The following ENAH variants were observed in gnomAD, a reference collection of about 807,000 sequenced individuals.
ENAH encodes ENAH actin regulator, also known as protein enabled homolog.
In ENAH, 23 loss-of-function variants were observed where a neutral mutation model predicts 78.7. That is an observed-to-expected ratio of 0.29 (90% CI 0.21 to 0.41). The LOEUF (loss-of-function observed/expected upper bound fraction) is 0.41, where lower values mean the gene tolerates loss of function less well. Ranked by LOEUF, ENAH falls within the 10% of genes least tolerant of loss-of-function variation. ENAH has a pLI of 1.00. For synonymous variants in ENAH, 226 were observed against 241.0 expected, an observed-to-expected ratio of 0.94 and a Z score of 0.58; for missense variants, 544 against 691.0, an observed-to-expected ratio of 0.79 and a Z score of 2.39.
intron 3 of ENAH, chr1:225,531,072 CAGG>C: frequency 2.5e-6 from 1 of 398,874 alleles, no homozygotes; most frequent in Non-Finnish European, 4.4e-6. Flanking sequence ...AAATGAAAAA[CAGG>C]AGAGAGAGAG....
At chr1:225,591,933 CT>C (rs1366023233) in intron 1 of ENAH, among the ~76,000 whole-genome samples, 1 of 152,124 alleles carries the variant, frequency 6.6e-6, no homozygotes, top group Admixed American at 6.5e-5. Flanking sequence ...AATTCTGGCT[CT>C]GTCATTTCCT....
At chr1:225,553,632 T>G (rs550092040) in intron 3 of ENAH, among the ~76,000 whole-genome samples, 1 of 148,614 alleles carries the variant, frequency 6.7e-6, no homozygotes, top group Admixed American at 6.7e-5. Flanking sequence ...CTACAGTAAA[T>G]GAAAAGCAAT....
chr1:225,503,674 A>AAC (rs2096301411), intron 11 of ENAH, among the ~76,000 whole-genome samples: 2 of 150,014 alleles, frequency 1.3e-5, no homozygotes, highest in Admixed American at 1.3e-4. Context: ...AAAAAAAAAA[A>AAC]AAAACACAAA....
chr1:225,651,150 T>C (rs1662919276), intron 1 of ENAH, among the ~76,000 whole-genome samples: 1 of 152,182 alleles, frequency 6.6e-6, no homozygotes, highest in African/African-American at 2.4e-5. Context: ...TTGGTTCGTA[T>C]GCTATAATTA....
At chr1:225,530,089 G>T (rs1030707292) in intron 4 of ENAH, among the ~76,000 whole-genome samples, 3 of 152,190 alleles carry the variant, frequency 2.0e-5, no homozygotes, top group African/African-American at 7.2e-5. Context: ...CCTAGTCATG[G>T]AAGAATGCTG....
At chr1:225,604,557 G>GC (rs1208295482) in intron 1 of ENAH, among the ~76,000 whole-genome samples, 3 of 151,230 alleles carry the variant, frequency 2.0e-5, no homozygotes, top group Non-Finnish European at 4.4e-5. Context: ...GCCGAGGCGG[G>GC]CAGATCACTT....
intron 1 of ENAH, among the ~76,000 whole-genome samples, chr1:225,636,585 C>T (rs1027513285): frequency 3.3e-5 from 5 of 151,998 alleles, no homozygotes; most frequent in African/African-American, 9.7e-5. Flanking sequence ...GGCTCACAGC[C>T]GTAATTCCAG....
At chr1:225,515,108 G>T in intron 6 of ENAH, 1 of 548,252 alleles carries the variant, frequency 1.8e-6, no homozygotes, top group Non-Finnish European at 3.2e-6. Flanking sequence ...ACTTACTTTA[G>T]GTTAGAGCTT....
At chr1:225,625,576 G>A (rs1657800196) in intron 1 of ENAH, among the ~76,000 whole-genome samples, 1 of 152,276 alleles carries the variant, frequency 6.6e-6, no homozygotes, top group South Asian at 2.1e-4. Flanking sequence ...AGGCTGCAGT[G>A]TAATGACATG....
intron 1 of ENAH, among the ~76,000 whole-genome samples, chr1:225,594,420 C>CTTAAT (rs2096892591): frequency 6.6e-6 from 1 of 152,146 alleles, no homozygotes; most frequent in African/African-American, 2.4e-5. Context: ...CCATCACCTT[C>CTTAAT]TTAATTGTTA....
Position 225,519,444 on chromosome 1 carries a change from G to T in ENAH, c.556C>A (p.Leu186Met), listed in dbSNP as rs1260866058. ...LERERLERERLEQEQLERERQ... is the reference protein window; with the variant it reads ...LERERLERERMEQEQLERERQ... Reference sequence around the variant, plus strand: ...TCTCTCTCCAGCTGTTCTTGTTCCAGTCGCTCCCTCTCCAGCCTTTCCCTT... The same window carrying T: ...TCTCTCTCCAGCTGTTCTTGTTCCATTCGCTCCCTCTCCAGCCTTTCCCTT... The change falls in exon 5 of 14, where the codon CTG becomes ATG. Residue 186 changes from leucine (L) to methionine (M), a missense_variant. By Grantham distance (15) the Leu-to-Met change is conservative (BLOSUM62 2). Around this residue, in one of 4 missense-constraint regions of ENAH, gnomAD observed 366 missense variants for 396.1 expected, o/e 0.92. Coordinates refer to ENST00000366843, the MANE Select transcript of ENAH (RefSeq NM_018212.6). 1 of 1,613,126 alleles carries T rather than the reference G, an allele frequency of 6.2e-7. No individual in the cohort carries two copies. Among genetic ancestry groups the T allele is most frequent in the Non-Finnish European group, 8.5e-7 (1 of 1,179,624 alleles).
intron 4 of ENAH, among the ~76,000 whole-genome samples, chr1:225,523,713 C>T (rs553069109): frequency 6.6e-6 from 1 of 152,248 alleles, no homozygotes; most frequent in East Asian, 1.9e-4. Flanking sequence ...ATAATTCCCA[C>T]CTAAATTGGA....
chr1:225,600,554 G>A (rs1436040328), intron 1 of ENAH, among the ~76,000 whole-genome samples: 1 of 152,126 alleles, frequency 6.6e-6, no homozygotes, highest in Non-Finnish European at 1.5e-5. Flanking sequence ...ACCTAAGTGA[G>A]CTTCCTTCTT....
rs934801128 is a variant in ENAH at position 225,488,888 on chromosome 1, C to T, written c.*8887G>A. 1.3e-5 allele frequency: 2 copies of T among 152,166 alleles called. No homozygotes were observed. The highest frequency in any genetic ancestry group is 2.4e-5 in the African/African-American group (1 of 41,414). The allele number at this position is 152,166 out of a possible 1,614,324, so 9.4% of individuals were successfully genotyped here. ...GGCACGGAAGCGGCACCTGGTCTGC[C>T]AAGACATTGCTGTTAAACAGAGTCT... On this transcript the variant is annotated 3_prime_UTR_variant, in exon 14 of 14. Coordinates refer to ENST00000366843, the MANE Select transcript of ENAH (RefSeq NM_018212.6).
intron 1 of ENAH, among the ~76,000 whole-genome samples, chr1:225,623,424 A>C (rs1420089148): frequency 6.6e-6 from 1 of 152,058 alleles, no homozygotes; most frequent in Admixed American, 6.6e-5. Flanking sequence ...TTTCACTTGT[A>C]TATTCAAAAA....
chr1:225,604,303 C>T (rs573396088), intron 1 of ENAH, among the ~76,000 whole-genome samples: 1 of 152,188 alleles, frequency 6.6e-6, no homozygotes, highest in South Asian at 2.1e-4. Flanking sequence ...TACTGTTTCT[C>T]TTAACTTTGG....
At chr1:225,575,723 T>C (rs910300289) in intron 1 of ENAH, among the ~76,000 whole-genome samples, 9 of 152,316 alleles carry the variant, frequency 5.9e-5, no homozygotes, top group African/African-American at 2.2e-4. Context: ...CAAGAACTTA[T>C]TTCCTGTGCT....
chr1:225,520,101 C>T (rs1215762293), intron 4 of ENAH, among the ~76,000 whole-genome samples: 1 of 151,994 alleles, frequency 6.6e-6, no homozygotes, highest in Non-Finnish European at 1.5e-5. Context: ...CGAGACTGGC[C>T]TGGCCAACAT....
intron 1 of ENAH, among the ~76,000 whole-genome samples, chr1:225,592,017 A>G (rs1201226539): frequency 1.3e-5 from 2 of 152,184 alleles, no homozygotes; most frequent in African/African-American, 2.4e-5. Context: ...GAGTATAATA[A>G]TAACAGTAAT....
Sources: allele counts gnomAD v4.1 joint callset (sites outside exome capture counted in the v4.1 genomes callset), GRCh38; gene constraint gnomAD v4.1.1; regional missense constraint gnomAD v4.1.1; transcripts MANE v1.5; gene names NCBI Gene and HGNC (gene_info 2026-07-23, HGNC 2026-07-21).